C1orf21: variants seen among roughly 807,000 people sequenced by gnomAD.
The protein encoded by C1orf21 is uncharacterized protein C1orf21.
C1orf21 carries 3 observed loss-of-function variants against 18.7 expected under a neutral mutation model. That is an observed-to-expected ratio of 0.16 (90% confidence interval 0.07 to 0.42). C1orf21 has a LOEUF of 0.42. Ranked by LOEUF, C1orf21 falls within the 10% of genes least tolerant of loss-of-function variation. The probability of loss-of-function intolerance (pLI) is 0.99; values close to 1 mark genes in which losing one functional copy is unlikely to be tolerated. For synonymous variants in C1orf21, 41 were observed against 46.4 expected (o/e 0.88, Z 0.47); for missense variants, 104 against 143.6 (o/e 0.72, Z 1.41).
intron 3 of C1orf21, among the ~76,000 whole-genome samples, chr1:184,538,850 T>C (rs1658600492): frequency 2.0e-5 from 3 of 152,258 alleles, no homozygotes; most frequent in African/African-American, 7.2e-5. Context: ...TTTTGATTAT[T>C]GTAATTTTGT....
chr1:184,424,350 C>A (rs940896558), intron 1 of C1orf21, among the ~76,000 whole-genome samples: 25 of 152,276 alleles, frequency 1.6e-4, no homozygotes, highest in African/African-American at 5.1e-4. Flanking sequence ...GGAGCTGAGT[C>A]ACAAATAAGT....
intron 3 of C1orf21, 110 bp from the exon 4 acceptor site, chr1:184,590,629 G>T: frequency 2.9e-6 from 3 of 1,050,150 alleles, no homozygotes; most frequent in Non-Finnish European, 4.3e-6. Flanking sequence ...GTAACCAGCC[G>T]TAGTATAGGG....
chr1:184,577,722 G>A (rs1188300801), intron 3 of C1orf21, among the ~76,000 whole-genome samples: 1 of 152,112 alleles, frequency 6.6e-6, no homozygotes, highest in Admixed American at 6.5e-5. Flanking sequence ...CAAGGTTTTG[G>A]TTAGTCACAG....
intron 3 of C1orf21, among the ~76,000 whole-genome samples, chr1:184,511,754 C>G (rs1262258962): frequency 6.6e-6 from 1 of 152,090 alleles, no homozygotes; most frequent in Non-Finnish European, 1.5e-5. Context: ...CCTCAGGAAA[C>G]TTACAATCAT....
At chr1:184,420,733 T>C (rs528197578) in intron 1 of C1orf21, among the ~76,000 whole-genome samples, 2 of 152,290 alleles carry the variant, frequency 1.3e-5, no homozygotes, top group African/African-American at 4.8e-5. Flanking sequence ...AAAAAATAAG[T>C]TGATGTCTAA....
intron 1 of C1orf21, among the ~76,000 whole-genome samples, chr1:184,411,850 A>C (rs1656360276): frequency 6.6e-6 from 1 of 152,070 alleles, no homozygotes; most frequent in Non-Finnish European, 1.5e-5. Flanking sequence ...TACAAAACTT[A>C]TTTGATGCTC....
intron 3 of C1orf21, among the ~76,000 whole-genome samples, chr1:184,586,308 G>T: frequency 7.3e-6 from 1 of 136,512 alleles, no homozygotes; most frequent in Admixed American, 7.4e-5. Flanking sequence ...TTTTTGAGAC[G>T]GAGTCTCGCT....
chr1:184,518,649 A>C (rs2101968210), intron 3 of C1orf21, among the ~76,000 whole-genome samples: 1 of 152,266 alleles, frequency 6.6e-6, no homozygotes, highest in South Asian at 2.1e-4. Context: ...TCAACACTGA[A>C]CTGACCATAT....
At chr1:184,437,331 G>A (rs1656874546) in intron 1 of C1orf21, among the ~76,000 whole-genome samples, 1 of 152,134 alleles carries the variant, frequency 6.6e-6, no homozygotes, top group Non-Finnish European at 1.5e-5. Context: ...AATCAAGCCT[G>A]TTATTTCAGC....
At chr1:184,446,257 C>T (rs1657027769) in intron 1 of C1orf21, among the ~76,000 whole-genome samples, 1 of 152,010 alleles carries the variant, frequency 6.6e-6, no homozygotes, top group South Asian at 2.1e-4. Context: ...AGTATACAGT[C>T]ACTTTTTATA....
At chr1:184,471,156 A>G (rs1484866484) in intron 1 of C1orf21, among the ~76,000 whole-genome samples, 1 of 152,208 alleles carries the variant, frequency 6.6e-6, no homozygotes, top group East Asian at 1.9e-4. Context: ...TAGCTGAAGA[A>G]CAATTATTGC....
intron 1 of C1orf21, among the ~76,000 whole-genome samples, chr1:184,455,563 T>A (rs1267546596): frequency 6.6e-6 from 1 of 152,192 alleles, no homozygotes. Context: ...CCCTTACAGG[T>A]GTTTTTTCCC....
At chr1:184,409,224 C>T (rs933816228) in intron 1 of C1orf21, among the ~76,000 whole-genome samples, 15 of 152,186 alleles carry the variant, frequency 9.9e-5, no homozygotes, top group African/African-American at 3.6e-4. Flanking sequence ...TGAGTCACAG[C>T]TGAGAGGCCC....
intron 1 of C1orf21, among the ~76,000 whole-genome samples, chr1:184,394,971 CCT>C (rs10583134): frequency 0.12 from 18,547 of 151,964 alleles, 1,167 homozygotes; most frequent in East Asian, 0.15. Flanking sequence ...CCTTCCATGG[CCT>C]CCCCAACACC....
At chr1:184,583,158 TC>T (rs1202463682) in intron 3 of C1orf21, among the ~76,000 whole-genome samples, 19 of 152,058 alleles carry the variant, frequency 1.2e-4, no homozygotes, top group African/African-American at 4.3e-4. Flanking sequence ...TTAAAGAAGA[TC>T]CTCTTGGTAT....
chr1:184,544,080 T>G (rs1467991454), intron 3 of C1orf21, among the ~76,000 whole-genome samples: 1 of 152,236 alleles, frequency 6.6e-6, no homozygotes, highest in African/African-American at 2.4e-5. Context: ...GAATTAACAC[T>G]TGAATTTACA....
At chr1:184,445,903 G>A (rs560778734) in intron 1 of C1orf21, among the ~76,000 whole-genome samples, 6 of 151,958 alleles carry the variant, frequency 3.9e-5, no homozygotes, top group African/African-American at 1.4e-4. Context: ...AATATTATTG[G>A]CTAAATATTT....
At chr1:184,396,981 T>C (rs970684262) in intron 1 of C1orf21, among the ~76,000 whole-genome samples, 1 of 152,188 alleles carries the variant, frequency 6.6e-6, no homozygotes, top group South Asian at 2.1e-4. Flanking sequence ...TTTTTATAAA[T>C]GTGATAGTTG....
intron 1 of C1orf21, among the ~76,000 whole-genome samples, chr1:184,436,685 C>A (rs913487543): frequency 6.6e-6 from 1 of 152,162 alleles, no homozygotes; most frequent in African/African-American, 2.4e-5. Context: ...GGACTTCCCC[C>A]TTTCTCTTGT....
Sources: gnomAD v4.1 joint callset for allele counts (sites outside exome capture counted in the v4.1 genomes callset) on GRCh38, gnomAD v4.1.1 for gene constraint, MANE v1.5 for transcripts, NCBI Gene and HGNC (gene_info 2026-07-23, HGNC 2026-07-21) for gene names.